TCEA1: variants seen among roughly 807,000 people sequenced by gnomAD.
TCEA1 encodes transcription elongation factor A protein 1.
Under a neutral mutation model 43.8 loss-of-function variants are expected in TCEA1, and 21 were observed. The ratio of observed to expected loss-of-function variants is 0.48; its 90% CI spans 0.34 to 0.69. The LOEUF (loss-of-function observed/expected upper bound fraction) is 0.69. Among genes scored for constraint, TCEA1 ranks in the 30% least tolerant of loss-of-function variants. The probability of loss-of-function intolerance (pLI) is 0.01; values close to 1 mark genes in which losing one functional copy is unlikely to be tolerated. For missense variants in TCEA1, 250 were observed against 365.1 expected (o/e 0.68, Z 2.57); for synonymous variants, 104 against 117.5 (o/e 0.88, Z 0.75).
intron 7 of TCEA1, among the ~76,000 whole-genome samples, chr8:53,982,106 T>C (rs949085201): frequency 1.3e-5 from 2 of 152,232 alleles, no homozygotes; most frequent in African/African-American, 4.8e-5. Context: ...TTTGCAAGGC[T>C]GTAGCTTCTA....
chr8:53,979,224 C>T (rs573169710), intron 7 of TCEA1, 53 bp from the exon 8 acceptor site: 1 of 1,494,460 alleles, frequency 6.7e-7, no homozygotes, highest in South Asian at 1.4e-5. Context: ...TATATATATC[C>T]TGAATGCTTT....
At chr8:53,996,903 C>CTTTTTTTTTTTTTTTTTTTTTTTTTT (rs754537318) in intron 3 of TCEA1, among the ~76,000 whole-genome samples, 3 of 116,626 alleles carry the variant, frequency 2.6e-5, no homozygotes, top group African/African-American at 7.5e-5. Flanking sequence ...AGAAGGTTGT[C>CTTTTTTTTTTTTTTTTTTTTTTTTTT]TTTTTTTTTT....
At chr8:53,972,772 T>C (rs989923475) in intron 8 of TCEA1, 10 of 715,034 alleles carry the variant, frequency 1.4e-5, no homozygotes, top group Non-Finnish European at 2.7e-5. Flanking sequence ...TATGCAGTAG[T>C]AGACTGTGAT....
intron 3 of TCEA1, among the ~76,000 whole-genome samples, chr8:53,997,393 TC>T (rs1407463882): frequency 6.6e-6 from 1 of 152,116 alleles, no homozygotes; most frequent in South Asian, 2.1e-4. Context: ...TAAAAGTGTC[TC>T]CCACAGAATG....
intron 8 of TCEA1, 81 bp from the exon 9 acceptor site, chr8:53,970,544 A>C (rs1803126008): frequency 1.5e-6 from 1 of 675,498 alleles, no homozygotes; most frequent in Non-Finnish European, 2.5e-6. Flanking sequence ...ATAAAGATAT[A>C]TATTTAATAA....
intron 3 of TCEA1, among the ~76,000 whole-genome samples, chr8:53,998,117 A>G (rs1804124481): frequency 6.6e-6 from 1 of 152,226 alleles, no homozygotes. Context: ...AAGTATTTTA[A>G]AATACACATT....
intron 2 of TCEA1, 153 bp downstream of exon 2, chr8:54,010,277 A>AT (rs1303044848): frequency 4.9e-6 from 3 of 613,246 alleles, no homozygotes; most frequent in Non-Finnish European, 5.6e-6. Flanking sequence ...TTAGTAGATT[A>AT]TTGATTTATA....
At position 54,017,952 on chromosome 8, in the gene TCEA1, C is replaced by T. The variant is rs191499117; in HGVS notation, c.63+4111G>A. Among the ~76,000 whole-genome samples the T allele has an allele frequency of 1.6e-4, 25 of 152,174 alleles. No individual in the cohort carries two copies. In the South Asian group the frequency reaches 3.1e-3, roughly 19 times the overall value. On this transcript the variant is annotated intron_variant, in intron 1 of 9. Transcript: ENST00000521604. ...AAAAGTTATACTACTTGACTGCATG[C>T]GGGTAGGGAGGGGGGATAGTGTGAG...
At chr8:53,985,264 G>A (rs373776130) in intron 6 of TCEA1, among the ~76,000 whole-genome samples, 1 of 152,146 alleles carries the variant, frequency 6.6e-6, no homozygotes, top group African/African-American at 2.4e-5. Context: ...TGATCCACCC[G>A]TCTCGGCCTC....
chr8:53,987,065 G>C (rs761141937), intron 5 of TCEA1, 40 bp from the exon 6 acceptor site: 2 of 1,506,902 alleles, frequency 1.3e-6, no homozygotes, highest in East Asian at 2.3e-5. Flanking sequence ...TATTGTAACA[G>C]ATTAAAAGAA....
At chr8:54,020,650 A>T (rs751384506) in intron 1 of TCEA1, among the ~76,000 whole-genome samples, 2 of 152,182 alleles carry the variant, frequency 1.3e-5, no homozygotes, top group Non-Finnish European at 2.9e-5. Flanking sequence ...AATCTCTCTC[A>T]GTGTCTTAAT....
intron 6 of TCEA1, among the ~76,000 whole-genome samples, chr8:53,986,420 A>G (rs778781056): frequency 6.6e-6 from 1 of 152,204 alleles, no homozygotes; most frequent in Non-Finnish European, 1.5e-5. Flanking sequence ...ATAATATAAC[A>G]CAGCCTGTCC....
intron 2 of TCEA1, among the ~76,000 whole-genome samples, chr8:54,005,533 T>G (rs1461820924): frequency 1.3e-5 from 2 of 151,630 alleles, no homozygotes; most frequent in Non-Finnish European, 3.0e-5. Context: ...CAAGCTCACC[T>G]TCATACTACC....
At chr8:54,013,509 T>C (rs927875686) in intron 1 of TCEA1, among the ~76,000 whole-genome samples, 1 of 151,482 alleles carries the variant, frequency 6.6e-6, no homozygotes, top group African/African-American at 2.4e-5. Context: ...TGAAACTCCA[T>C]CTCTACTAAA....
At chr8:54,001,364 C>T (rs1563500560) in intron 2 of TCEA1, among the ~76,000 whole-genome samples, 1 of 152,182 alleles carries the variant, frequency 6.6e-6, no homozygotes, top group East Asian at 1.9e-4. Flanking sequence ...ATTATTCAAT[C>T]CTCTCAACAA....
intron 1 of TCEA1, among the ~76,000 whole-genome samples, chr8:54,019,814 CA>C: frequency 6.6e-6 from 1 of 152,154 alleles, no homozygotes; most frequent in African/African-American, 2.4e-5. Context: ...TTTGAATTTC[CA>C]GAGGACAGGC....
At chr8:53,992,411 A>G (rs1352282530) in intron 4 of TCEA1, among the ~76,000 whole-genome samples, 3 of 152,040 alleles carry the variant, frequency 2.0e-5, no homozygotes, top group African/African-American at 7.2e-5. Context: ...TCAGGAGTTC[A>G]AGACCAGCCT....
chr8:53,981,026 C>T (rs568566691), intron 7 of TCEA1, among the ~76,000 whole-genome samples: 2 of 152,260 alleles, frequency 1.3e-5, no homozygotes, highest in African/African-American at 4.8e-5. Context: ...CACAACATTC[C>T]CTTAAGCCAA....
chr8:54,010,712 T>C (rs1804625220), intron 1 of TCEA1, among the ~76,000 whole-genome samples: 1 of 152,254 alleles, frequency 6.6e-6, no homozygotes, highest in Non-Finnish European at 1.5e-5. Flanking sequence ...CTATTTCATT[T>C]AGTCTAATGT....
Sources: allele counts gnomAD v4.1 joint callset (sites outside exome capture counted in the v4.1 genomes callset), GRCh38; gene constraint gnomAD v4.1.1; transcripts MANE v1.5; gene names NCBI Gene and HGNC (gene_info 2026-07-23, HGNC 2026-07-21).